The following TSPAN2 variants were observed in gnomAD, a reference collection of about 807,000 sequenced individuals.
TSPAN2 encodes tetraspanin 2, also known as tetraspanin-2.
Under a neutral mutation model 33.3 loss-of-function variants are expected in TSPAN2, and 24 were observed. The ratio of observed to expected loss-of-function variants is 0.72; its 90% CI spans 0.52 to 1.01. TSPAN2 has a LOEUF of 1.01. TSPAN2 is among the 50% of genes least tolerant of loss of function. The probability of loss-of-function intolerance (pLI) is 0.00; values close to 1 mark genes in which losing one functional copy is unlikely to be tolerated. For missense variants in TSPAN2, 278 were observed against 281.3 expected (o/e 0.99, Z 0.08); for synonymous variants, 114 against 104.5 (o/e 1.09, Z -0.56).
chr1:115,052,712 TAATACCATC>T lies in TSPAN2; in HGVS notation c.600+658_600+666del, dbSNP rs1246961765. Among the ~76,000 whole-genome samples the T allele has an allele frequency of 8.5e-5, 13 of 152,354 alleles. No individual in the cohort carries two copies. The East Asian group carries it at 2.5e-3, about 29-fold the overall frequency. The stretch of plus-strand genomic sequence containing the variant: ...GGTGGTGGTCTGGATGCACTACGCT[TAATACCATC>T]TATGCCATTGCCTTTGCCTGGTAGA... On this transcript the variant is annotated intron_variant, in intron 7 of 7. Coordinates refer to ENST00000369516, the MANE Select transcript of TSPAN2 (RefSeq NM_005725.6).
At chr1:115,089,285 T>G in intron 1 of TSPAN2, 79 bp downstream of exon 1, 1 of 1,326,130 alleles carries the variant, frequency 7.5e-7, no homozygotes, top group Middle Eastern at 2.4e-4. Context: ...GACGCCGCAG[T>G]CAGCAGCTCG....
intron 1 of TSPAN2, among the ~76,000 whole-genome samples, chr1:115,087,934 T>C (rs983839011): frequency 1.3e-4 from 20 of 152,206 alleles, no homozygotes. Context: ...GGCTTAAAAC[T>C]TCATAAGGCT....
intron 1 of TSPAN2, 134 bp downstream of exon 1, chr1:115,089,230 C>T: frequency 1.6e-6 from 1 of 620,864 alleles, no homozygotes; most frequent in Non-Finnish European, 2.6e-6. Flanking sequence ...GCCTTCTCCT[C>T]GCCTCCGCGT....
rs376772473 is a variant in TSPAN2, at chr1:115,089,461, C to G, written c.-29G>C. 1 of 1,477,198 alleles carries G rather than the reference C, an allele frequency of 6.8e-7. No homozygotes were observed. Among genetic ancestry groups the G allele is most frequent in the South Asian group, 1.3e-5 (1 of 75,408 alleles). 91.5% of individuals were successfully genotyped at this position (1,477,198 alleles called of 1,614,324 possible). A position where few individuals can be genotyped will look rare whatever the true frequency, so the allele number is the denominator to read the frequency against. Reference sequence around the variant, plus strand: ...GCGGCCCGGCGGCGGGATCCCCAGTCCCCAGGCCCGCGCTACGAGCGCGGG... The same window carrying G: ...GCGGCCCGGCGGCGGGATCCCCAGTGCCCAGGCCCGCGCTACGAGCGCGGG... On this transcript the variant is annotated 5_prime_UTR_variant, in exon 1 of 8. Transcript: ENST00000369516.
intron 1 of TSPAN2, among the ~76,000 whole-genome samples, chr1:115,073,997 C>T (rs572911392): frequency 1.3e-5 from 2 of 152,316 alleles, no homozygotes; most frequent in South Asian, 2.1e-4. Flanking sequence ...TTACTGGACA[C>T]CTTCTGGGCC....
At chr1:115,060,958 G>GA (rs1262402906) in intron 3 of TSPAN2, among the ~76,000 whole-genome samples, 2 of 152,182 alleles carry the variant, frequency 1.3e-5, no homozygotes, top group Non-Finnish European at 2.9e-5. Flanking sequence ...GAGCATCACT[G>GA]ATGCGGCCTG....
chr1:115,077,925 T>A (rs1019060734), intron 1 of TSPAN2, among the ~76,000 whole-genome samples: 1 of 152,214 alleles, frequency 6.6e-6, no homozygotes, highest in African/African-American at 2.4e-5. Flanking sequence ...GCCAACCAGA[T>A]CACCAAGAGC....
chr1:115,052,034 G>A (rs1675329738), intron 7 of TSPAN2, among the ~76,000 whole-genome samples: 1 of 152,192 alleles, frequency 6.6e-6, no homozygotes, highest in Non-Finnish European at 1.5e-5. Flanking sequence ...CGAGTCAGGG[G>A]TGAATGCTTC....
At chr1:115,066,057 T>C (rs1182982366) in intron 2 of TSPAN2, among the ~76,000 whole-genome samples, 5 of 152,204 alleles carry the variant, frequency 3.3e-5, no homozygotes, top group African/African-American at 1.2e-4. Flanking sequence ...GTTCCATCCA[T>C]GCTGCTACAA....
chr1:115,062,124 G>A lies in TSPAN2; in HGVS notation c.270+11C>T, dbSNP rs777788261. 11 of 1,383,422 alleles carry A rather than the reference G, an allele frequency of 8.0e-6. No homozygotes were observed. Among genetic ancestry groups the A allele is most frequent in the South Asian group, 1.2e-5 (1 of 81,738 alleles). The allele number at this position is 1,383,422 out of a possible 1,614,324, so 85.7% of individuals were successfully genotyped here. On this transcript the variant is annotated intron_variant, in intron 3 of 7. Coordinates refer to ENST00000369516, the MANE Select transcript of TSPAN2 (RefSeq NM_005725.6). The stretch of plus-strand genomic sequence containing the variant: ...CCCCCACCCCACCATTTACCCCCTC[G>A]CCCCACTTACTGATCCAAGCACACA...
chr1:115,051,980 C>A (rs1408163520), intron 7 of TSPAN2, among the ~76,000 whole-genome samples: 1 of 152,244 alleles, frequency 6.6e-6, no homozygotes. Flanking sequence ...CCCTACCCAT[C>A]CTGGTTTCAG....
chr1:115,060,409 A>G (rs1224234446), intron 4 of TSPAN2, 55 bp downstream of exon 4: 6 of 1,367,798 alleles, frequency 4.4e-6, no homozygotes, highest in Admixed American at 1.8e-5. Flanking sequence ...TGTGGGTATC[A>G]ATATTCTAAC....
chr1:115,078,279 C>G (rs1428670059), intron 1 of TSPAN2, among the ~76,000 whole-genome samples: 1 of 152,142 alleles, frequency 6.6e-6, no homozygotes, highest in East Asian at 1.9e-4. Context: ...TAAATTAAGG[C>G]CTAAGCTCTG....
At chr1:115,051,218 G>A (rs1441551799) in intron 7 of TSPAN2, among the ~76,000 whole-genome samples, 1 of 152,022 alleles carries the variant, frequency 6.6e-6, no homozygotes, top group African/African-American at 2.4e-5. Flanking sequence ...GCTGAGGCGG[G>A]AGGATTATTG....
intron 2 of TSPAN2, among the ~76,000 whole-genome samples, chr1:115,064,070 T>C (rs1647843083): frequency 6.7e-6 from 1 of 149,488 alleles, no homozygotes; most frequent in Non-Finnish European, 1.5e-5. Context: ...AAAAAAAAAG[T>C]CATTCACTGT....
intron 1 of TSPAN2, among the ~76,000 whole-genome samples, chr1:115,078,259 C>T (rs1430174482): frequency 6.6e-6 from 1 of 152,108 alleles, no homozygotes; most frequent in Non-Finnish European, 1.5e-5. Flanking sequence ...TTAAATATGC[C>T]CATATTTTGT....
chr1:115,085,712 G>A (rs892070258), intron 1 of TSPAN2, among the ~76,000 whole-genome samples: 12 of 152,056 alleles, frequency 7.9e-5, no homozygotes, highest in Admixed American at 6.5e-4. Context: ...TCTGGAATCA[G>A]GTTCCCTCAG....
At chr1:115,078,645 G>C (rs1388065380) in intron 1 of TSPAN2, among the ~76,000 whole-genome samples, 1 of 152,102 alleles carries the variant, frequency 6.6e-6, no homozygotes, top group Non-Finnish European at 1.5e-5. Flanking sequence ...GCCCTCACCA[G>C]GGAGCCCTCA....
At chr1:115,055,183 C>T (rs899657224) in intron 6 of TSPAN2, among the ~76,000 whole-genome samples, 7 of 152,150 alleles carry the variant, frequency 4.6e-5, no homozygotes, top group African/African-American at 7.2e-5. Flanking sequence ...CAAAACAACA[C>T]TCGAGACTGT....
Sources: allele counts gnomAD v4.1 joint callset (sites outside exome capture counted in the v4.1 genomes callset), GRCh38; gene constraint gnomAD v4.1.1; transcripts MANE v1.5; gene names NCBI Gene and HGNC (gene_info 2026-07-23, HGNC 2026-07-21).